The following CACNA1B variants were observed in gnomAD, a reference collection of about 807,000 sequenced individuals.
The protein encoded by CACNA1B is voltage-dependent N-type calcium channel subunit alpha-1B.
CACNA1B carries 70 observed loss-of-function variants against 247.2 expected under a neutral mutation model. That is an observed-to-expected ratio of 0.28 (90% confidence interval 0.23 to 0.35). The LOEUF (loss-of-function observed/expected upper bound fraction) is 0.35, where lower values mean the gene tolerates loss of function less well. CACNA1B is among the 10% of genes least tolerant of loss of function. CACNA1B has a pLI of 1.00. For synonymous variants in CACNA1B, 1,231 were observed against 1,294.4 expected, an observed-to-expected ratio of 0.95 and a Z score of 1.05; for missense variants, 2,367 against 3,197.4, an observed-to-expected ratio of 0.74 and a Z score of 6.26.
At chr9:138,120,113 C>A in intron 44 of CACNA1B, 52 bp from the exon 45 acceptor site, 2 of 1,460,214 alleles carry the variant, frequency 1.4e-6, no homozygotes, top group South Asian at 1.3e-5. Context: ...TGCCTGCATT[C>A]CCGCTGACCC....
In CACNA1B at chr9:138,052,131, G is replaced by C; in HGVS notation, c.3750G>C (p.Leu1250=). 6.2e-7 allele frequency: 1 copy of C among 1,612,612 alleles called. No individual in the cohort carries two copies. The highest frequency in any genetic ancestry group is 8.5e-7 in the Non-Finnish European group (1 of 1,178,952). Residue 1250 remains leucine, a synonymous_variant, in exon 25 of 47, where the codon CTG becomes CTC. Coordinates refer to ENST00000371372, the MANE Select transcript of CACNA1B (RefSeq NM_000718.4). This position sits in a 1 kb window ranked among gnomAD's most constrained non-coding sequence, Gnocchi z 5.1. The part of the protein sequence containing the change: ...KGKDINTIKS[L]RVLRVLRPLK... ...AAGACATCAATACCATCAAGTCTCTGAGAGTCCTTCGTGTCCTGCGGCCCC... is the reference window on the plus strand; with the variant it reads ...AAGACATCAATACCATCAAGTCTCTCAGAGTCCTTCGTGTCCTGCGGCCCC...
At position 138,011,746 on chromosome 9, in the gene CACNA1B, G is replaced by A. The variant is rs1019159417; in HGVS notation, c.2161-1383G>A. ...TGCCTCCTCTCTGGGCTTGAAGTTC[G>A]AAGGTCTCTCCTCTGTGGAGGGAAA... is the stretch of plus-strand genomic sequence containing the variant. On this transcript the variant is annotated intron_variant, in intron 17 of 46. Transcript: ENST00000371372. The surrounding 1 kb of genome is among the most constrained non-coding windows in gnomAD (Gnocchi z 4.2). 6.6e-5 allele frequency among the ~76,000 whole-genome samples: 10 copies of A among 152,188 alleles called. No homozygotes were observed. The highest frequency in any genetic ancestry group is 1.7e-4 in the African/African-American group (7 of 41,436).
chr9:137,960,479 G>A (rs1159891154), intron 10 of CACNA1B, among the ~76,000 whole-genome samples: 2 of 109,414 alleles, frequency 1.8e-5, no homozygotes. Context: ...ACCCAGGAGA[G>A]GGGAGATGCG....
chr9:138,105,763 T>C lies in CACNA1B; in HGVS notation c.5384T>C (p.Leu1795Pro). The change falls in exon 39 of 47, where the codon CTG (leucine) becomes CCG (proline). Residue 1795 changes from leucine (L) to proline (P), a missense_variant. Physicochemically the swap from Leu to Pro is moderately conservative, Grantham distance 98. Coordinates refer to ENST00000371372, the MANE Select transcript of CACNA1B (RefSeq NM_000718.4). ...EDMTVHFTST[L>P]MALIRTALEI... is the part of the protein sequence containing the mutation. The stretch of plus-strand genomic sequence containing the variant: ...ATGACTGTTCACTTCACGTCCACGC[T>C]GATGGCCCTCATCCGGACGGCACTG... 1 of 1,567,524 alleles carries C rather than the reference T, an allele frequency of 6.4e-7. No individual in the cohort carries two copies. Among genetic ancestry groups the C allele is most frequent in the Non-Finnish European group, 8.6e-7 (1 of 1,157,232 alleles).
At chr9:138,037,515 C>T (rs889126023) in intron 20 of CACNA1B, among the ~76,000 whole-genome samples, 2 of 152,042 alleles carry the variant, frequency 1.3e-5, no homozygotes, top group African/African-American at 4.8e-5. Flanking sequence ...AAAAATTAGC[C>T]AGGTGTGGTG....
chr9:137,919,587 G>A lies in CACNA1B; in HGVS notation c.966+2156G>A, dbSNP rs1049235986. On this transcript the variant is annotated intron_variant, in intron 6 of 46. Transcript: ENST00000371372. This position sits in a 1 kb window ranked among gnomAD's most constrained non-coding sequence, Gnocchi z 4.6. ...TTGAAGAGGATCCTTTGGAGAGAGC[G>A]AGAGCCCGCCCCTCACCTCCAACCC... 2.6e-5 allele frequency among the ~76,000 whole-genome samples: 4 copies of A among 152,244 alleles called. No individual in the cohort carries two copies. Among genetic ancestry groups the A allele is most frequent in the Admixed American group, 6.5e-5 (1 of 15,290 alleles).
At chr9:137,894,129 A>G (rs1343120412) in intron 3 of CACNA1B, among the ~76,000 whole-genome samples, 1 of 152,136 alleles carries the variant, frequency 6.6e-6, no homozygotes, top group East Asian at 1.9e-4. Context: ...CTTCTCTGGG[A>G]TAAATGACCA....
Position 137,954,220 on chromosome 9 carries a change from C to T in CACNA1B, c.1071-1478C>T, listed in dbSNP as rs1049525229. Among the ~76,000 whole-genome samples the T allele has an allele frequency of 2.6e-5, 4 of 152,194 alleles. No homozygotes were observed. The highest frequency in any genetic ancestry group is 3.9e-4 in the East Asian group (2 of 5,188). ...CACCCCCCATGTGGGTCCTGCACCC[C>T]GGGGTGGCAGTGGTGAGAGGCCGCC... is the stretch of plus-strand genomic sequence containing the variant. On this transcript the variant is annotated intron_variant, in intron 7 of 46. Transcript: ENST00000371372. The surrounding 1 kb of genome is among the most constrained non-coding windows in gnomAD (Gnocchi z 4.1).
At chr9:137,975,701 C>T (rs1958211598) in intron 11 of CACNA1B, among the ~76,000 whole-genome samples, 1 of 152,250 alleles carries the variant, frequency 6.6e-6, no homozygotes, top group African/African-American at 2.4e-5. Flanking sequence ...GACTCACCAC[C>T]TTTCAGACTG....
intron 3 of CACNA1B, among the ~76,000 whole-genome samples, chr9:137,886,160 G>A (rs200808323): frequency 2.0e-5 from 3 of 152,064 alleles, no homozygotes; most frequent in African/African-American, 4.8e-5. Flanking sequence ...TCCCTTCCCC[G>A]GCTTCCAATA....
chr9:138,022,975 C>T, intron 18 of CACNA1B, 36 bp from the exon 19 acceptor site: 1 of 1,452,452 alleles, frequency 6.9e-7, no homozygotes. Context: ...GGGCGGGCGG[C>T]AGACGGGGCC....
At position 137,966,225 on chromosome 9, in the gene CACNA1B, A is replaced by ATT. The variant is rs963090283; in HGVS notation, c.1334-5142_1334-5141dup. Among the ~76,000 whole-genome samples the ATT allele has an allele frequency of 4.3e-3, 602 of 139,618 alleles. 10 individuals are homozygous for ATT. The highest frequency in any genetic ancestry group is 0.04 in the East Asian group (194 of 4,854). The allele number at this position is 139,618 out of a possible 152,430, so 91.6% of individuals were successfully genotyped here. A position where few individuals can be genotyped will look rare whatever the true frequency, so the allele number is the denominator to read the frequency against. The stretch of plus-strand genomic sequence containing the variant: ...TATTTACCTGGGTTCTGCCTTTTAA[A>ATT]TTTTTTTTTTTTTTTTTGAGACAGA... On this transcript the variant is annotated intron_variant, in intron 10 of 46. Transcript: ENST00000371372.
In CACNA1B at chr9:138,069,752, A is replaced by G; in HGVS notation, c.4669-6A>G. ...AAATATCCATCCATGAAAACATCAC[A>G]TGTAGGAAACGGTTGGTTTCACGAC... On this transcript the variant is annotated splice_polypyrimidine_tract_variant and splice_region_variant and intron_variant, in intron 31 of 46. Transcript: ENST00000371372. The G allele has an allele frequency of 1.9e-6, 3 of 1,608,316 alleles. No individual in the cohort carries two copies. Among genetic ancestry groups the G allele is most frequent in the Admixed American group, 1.7e-5 (1 of 59,984 alleles).
intron 39 of CACNA1B, among the ~76,000 whole-genome samples, chr9:138,110,802 T>C (rs1313798200): frequency 6.6e-6 from 1 of 152,172 alleles, no homozygotes; most frequent in African/African-American, 2.4e-5. Context: ...AACACGTATC[T>C]GCTATAGGAT....
At chr9:138,044,153 G>C (rs868325190) in intron 21 of CACNA1B, among the ~76,000 whole-genome samples, 1 of 152,360 alleles carries the variant, frequency 6.6e-6, no homozygotes, top group East Asian at 1.9e-4. Context: ...TGTGGTGTGC[G>C]TGTGTCTCTG....
chr9:138,059,866 G>A lies in CACNA1B; in HGVS notation c.4668+129G>A. On this transcript the variant is annotated intron_variant, in intron 31 of 46. Coordinates refer to ENST00000371372, the MANE Select transcript of CACNA1B (RefSeq NM_000718.4). The surrounding 1 kb of genome is among the most constrained non-coding windows in gnomAD (Gnocchi z 4.2). ...TTCCGCAGAACCCCCTGGACATGTGGAGGCTTCGCTCCAGGGGTGGAGTTT... is the reference window on the plus strand; with the variant it reads ...TTCCGCAGAACCCCCTGGACATGTGAAGGCTTCGCTCCAGGGGTGGAGTTT... 1.5e-6 allele frequency: 1 copy of A among 655,542 alleles called. No homozygotes were observed. The highest frequency in any genetic ancestry group is 1.8e-5 in the South Asian group (1 of 54,876). The allele number at this position is 655,542 out of a possible 1,614,324, so 40.6% of individuals were successfully genotyped here.
chr9:137,956,380 A>C (rs949823733), intron 8 of CACNA1B, among the ~76,000 whole-genome samples: 2 of 152,218 alleles, frequency 1.3e-5, no homozygotes, highest in Admixed American at 1.3e-4. Context: ...TAAGGCAGCC[A>C]GGTGCAGTGG....
intron 42 of CACNA1B, among the ~76,000 whole-genome samples, chr9:138,117,382 C>T (rs1331316459): frequency 6.6e-6 from 1 of 152,064 alleles, no homozygotes; most frequent in East Asian, 1.9e-4. Context: ...CGGGCGAGGC[C>T]CCCTACCCCC....
intron 20 of CACNA1B, among the ~76,000 whole-genome samples, chr9:138,025,496 A>T (rs1958910297): frequency 6.6e-6 from 1 of 152,172 alleles, no homozygotes; most frequent in Non-Finnish European, 1.5e-5. Context: ...CAGACCACAA[A>T]ACAGGCACAA....
Sources: gnomAD v4.1 joint callset for allele counts (sites outside exome capture counted in the v4.1 genomes callset) on GRCh38, gnomAD v4.1.1 for gene constraint, Gnocchi (gnomAD v3.1) non-coding constraint, MANE v1.5 for transcripts, NCBI Gene and HGNC (gene_info 2026-07-23, HGNC 2026-07-21) for gene names.